Variants in VPS33B observed in about 807,000 individuals in gnomAD.
VPS33B encodes VPS33B late endosome and lysosome associated.
VPS33B carries 80 observed loss-of-function variants against 95.3 expected under a neutral mutation model. The observed-to-expected ratio is 0.84, with a 90% CI of 0.70 to 1.01. The LOEUF (loss-of-function observed/expected upper bound fraction) is 1.01. VPS33B is among the 50% of genes least tolerant of loss of function. VPS33B has a pLI of 0.00. For missense variants in VPS33B, 715 were observed against 773.4 expected, an observed-to-expected ratio of 0.92 and a Z score of 0.90; for synonymous variants, 280 against 280.4, an observed-to-expected ratio of 1.00 and a Z score of 0.01.
chr15:90,998,999 C>T lies in VPS33B; in HGVS notation c.1830G>A (p.Glu610=), dbSNP rs756910420. 6 of 1,614,070 alleles carry T rather than the reference C, an allele frequency of 3.7e-6. No homozygotes were observed. In the African/African-American group the frequency reaches 8.0e-5, roughly 22 times the overall value. Residue 610 remains glutamate, a synonymous_variant, in exon 23 of 23, where the codon GAG becomes GAA. Coordinates refer to ENST00000333371, the MANE Select transcript of VPS33B (RefSeq NM_018668.5). The surrounding 1 kb of genome is among the most constrained non-coding windows in gnomAD (Gnocchi z 4.8). ...TAVTNSARLM[E]AMSEVKA ...ATCAGGCTTTCACCTCACTCATGGC[C>T]TCCATAAGGCGAGCGCTGTTTGTGA...
rs1384990734 is a variant in VPS33B, at chr15:91,006,761, TCCC to T, written c.701-35_701-33del. 1 of 1,613,604 alleles carries T rather than the reference TCCC, an allele frequency of 6.2e-7. No individual in the cohort carries two copies. The highest frequency in any genetic ancestry group is 1.7e-5 in the Admixed American group (1 of 59,992). On this transcript the variant is annotated intron_variant, in intron 9 of 22. Transcript: ENST00000333371. This position sits in a 1 kb window ranked among gnomAD's most constrained non-coding sequence, Gnocchi z 5.4. ...CAGAGATCCCTGACCATGAAGGTTC[TCCC>T]TGACCCAGCCTTCTACACAGCATGT...
In VPS33B at chr15:91,006,592, G is replaced by A. The variant is rs3826032; in HGVS notation, c.778+60C>T. 2 of 1,611,600 alleles carry A rather than the reference G, an allele frequency of 1.2e-6. No individual in the cohort carries two copies. The highest frequency in any genetic ancestry group is 1.7e-6 in the Non-Finnish European group (2 of 1,177,772). On this transcript the variant is annotated intron_variant, in intron 10 of 22. Coordinates refer to ENST00000333371, the MANE Select transcript of VPS33B (RefSeq NM_018668.5). This position sits in a 1 kb window ranked among gnomAD's most constrained non-coding sequence, Gnocchi z 5.4. ...CTCCCACAAACCCTGCCCCACGTGG[G>A]AGGTGCCAAGGCTGATGACCCGTCC...
In VPS33B at chr15:91,001,229, G is replaced by C. The variant is rs539692899; in HGVS notation, c.1479+160C>G. 3.3e-5 allele frequency among the ~76,000 whole-genome samples: 5 copies of C among 150,472 alleles called. No homozygotes were observed. In the South Asian group the frequency reaches 8.4e-4, roughly 25 times the overall value. ...GGAGGCTGAGGCAGGAGAATCACTT[G>C]AACCTGGGAGGCAGAGGTTGCAGTG... On this transcript the variant is annotated intron_variant, in intron 19 of 22. Transcript: ENST00000333371.
chr15:91,000,654 C>T lies in VPS33B; in HGVS notation c.1480-63G>A. The T allele has an allele frequency of 3.5e-6, 5 of 1,428,328 alleles. No homozygotes were observed. Among genetic ancestry groups the T allele is most frequent in the African/African-American group, 1.4e-5 (1 of 71,228 alleles). 88.5% of individuals were successfully genotyped at this position (1,428,328 alleles called of 1,614,324 possible). Reference sequence around the variant, plus strand: ...TCAGCTCCCTAACCCTTTAAAGGGTCAGATAAAGTGGCATGGCCCAAGGAA... The same window carrying T: ...TCAGCTCCCTAACCCTTTAAAGGGTTAGATAAAGTGGCATGGCCCAAGGAA... On this transcript the variant is annotated intron_variant, in intron 19 of 22. Transcript: ENST00000333371. The surrounding 1 kb of genome is among the most constrained non-coding windows in gnomAD (Gnocchi z 4.9).
In VPS33B at chr15:91,005,937, G is replaced by A. The variant is rs1311159405; in HGVS notation, c.939+36C>T. ...GGCAGCAGCCTTGGGAAGCCACTGAGGCAACAAAACAGAGGAGCAGGGCTT... is the reference window on the plus strand; with the variant it reads ...GGCAGCAGCCTTGGGAAGCCACTGAAGCAACAAAACAGAGGAGCAGGGCTT... On this transcript the variant is annotated intron_variant, in intron 12 of 22. Coordinates refer to ENST00000333371, the MANE Select transcript of VPS33B (RefSeq NM_018668.5). This position sits in a 1 kb window ranked among gnomAD's most constrained non-coding sequence, Gnocchi z 6.4. 1 of 1,612,974 alleles carries A rather than the reference G, an allele frequency of 6.2e-7. No homozygotes were observed. The highest frequency in any genetic ancestry group is 1.1e-5 in the South Asian group (1 of 90,922).
rs751858602 is a variant in VPS33B, at chr15:91,000,573, C to T, written c.1498G>A (p.Glu500Lys). 19 of 1,612,740 alleles carry T rather than the reference C, an allele frequency of 1.2e-5. No individual in the cohort carries two copies. Among genetic ancestry groups the T allele is most frequent in the Admixed American group, 6.7e-5 (4 of 59,940 alleles). ...KLNLIPRVDG[E>K]YDLKVPRDMA... Reference sequence around the variant, plus strand: ...TCTCGGGGCACTTTCAGATCATACTCGCCGTCCACACGTGGGATCTGTAAG... The same window carrying T: ...TCTCGGGGCACTTTCAGATCATACTTGCCGTCCACACGTGGGATCTGTAAG... The change falls in exon 20 of 23, where the codon GAG (glutamate) becomes AAG (lysine). Residue 500 changes from glutamate to lysine, a missense_variant. Glu to Lys is a moderately conservative substitution (Grantham distance 56). Transcript: ENST00000333371. The surrounding 1 kb of genome is among the most constrained non-coding windows in gnomAD (Gnocchi z 4.9).
Position 91,003,072 on chromosome 15 carries a change from C to T in VPS33B, c.1272+13G>A, listed in dbSNP as rs2040489292. On this transcript the variant is annotated intron_variant, in intron 17 of 22. Transcript: ENST00000333371. ...CATCAAGTTCCCTCAAGAATACATT[C>T]TCCAGGCCTTACCTGCAGATACTGT... is the stretch of plus-strand genomic sequence containing the variant. 4 of 1,614,102 alleles carry T rather than the reference C, an allele frequency of 2.5e-6. No homozygotes were observed. The highest frequency in any genetic ancestry group is 3.4e-6 in the Non-Finnish European group (4 of 1,179,984).
rs1222327352 is a variant in VPS33B, at chr15:90,999,604, C to T, written c.1774+73G>A. The T allele has an allele frequency of 6.6e-6, 10 of 1,513,154 alleles. No homozygotes were observed. The Admixed American group carries it at 1.0e-4, about 15-fold the overall frequency. The allele number at this position is 1,513,154 out of a possible 1,614,324, so 93.7% of individuals were successfully genotyped here. On this transcript the variant is annotated intron_variant, in intron 22 of 22. Coordinates refer to ENST00000333371, the MANE Select transcript of VPS33B (RefSeq NM_018668.5). This position sits in a 1 kb window ranked among gnomAD's most constrained non-coding sequence, Gnocchi z 5.1. ...AAAGTGCTGAGATTACAGGTATGAA[C>T]CACCGTGCCCAGCTGACACTTTGTT...
chr15:90,999,757 A>T lies in VPS33B; in HGVS notation c.1694T>A (p.Leu565Gln). ...CAAGAACACCACCAAGATGAGGCGC[A>T]GGGACTCACTGGAAGCCTTGTCTTC... The part of the protein sequence containing the change: ...TKEDKASSES[L>Q]RLILVVFLGG... The change falls in exon 22 of 23, where the codon CTG (leucine) becomes CAG (glutamine). Residue 565 changes from leucine to glutamine, a missense_variant. By Grantham distance (113) the Leu-to-Gln change is moderately radical (BLOSUM62 -2). Transcript: ENST00000333371. This position sits in a 1 kb window ranked among gnomAD's most constrained non-coding sequence, Gnocchi z 5.1. 1 of 1,614,150 alleles carries T rather than the reference A, an allele frequency of 6.2e-7. No homozygotes were observed. Among genetic ancestry groups the T allele is most frequent in the East Asian group, 2.2e-5 (1 of 44,888 alleles).
At chr15:91,017,907 G>C (rs942791055) in intron 1 of VPS33B, 22 bp from the exon 2 acceptor site, 15 of 1,612,758 alleles carry the variant, frequency 9.3e-6, no homozygotes, top group Non-Finnish European at 1.2e-5. Context: ...ACAATATGTT[G>C]GGTCACTCAC....
rs982788422 is a variant in VPS33B at position 91,013,319 on chromosome 15, G to T, written c.357+485C>A. On this transcript the variant is annotated intron_variant, in intron 5 of 22. Coordinates refer to ENST00000333371, the MANE Select transcript of VPS33B (RefSeq NM_018668.5). The surrounding 1 kb of genome is among the most constrained non-coding windows in gnomAD (Gnocchi z 4.5). ...AGGATGCGTTAGTGACAGGTATTAGGTTCAATCACACATAATTTGCTTTGA... is the reference window on the plus strand; with the variant it reads ...AGGATGCGTTAGTGACAGGTATTAGTTTCAATCACACATAATTTGCTTTGA... Among the ~76,000 whole-genome samples the T allele has an allele frequency of 3.3e-5, 5 of 152,182 alleles. No individual in the cohort carries two copies. Among genetic ancestry groups the T allele is most frequent in the African/African-American group, 1.2e-4 (5 of 41,432 alleles).
intron 1 of VPS33B, among the ~76,000 whole-genome samples, chr15:91,020,469 C>G (rs2041070910): frequency 6.6e-6 from 1 of 152,218 alleles, no homozygotes; most frequent in Non-Finnish European, 1.5e-5. Flanking sequence ...AGTTTCTCTT[C>G]TTGGTCTCCT....
Position 91,003,117 on chromosome 15 carries a change from C to G in VPS33B, c.1240G>C (p.Asp414His), listed in dbSNP as rs769214740. ...TACTGTGTTTTCAGAGATCGGTAAT[C>G]CTTGGGGATCAAACCTAAGAGTGAA... ...SITENGLIPK[D>H]YRSLKTQYLQ... is the part of the protein sequence containing the mutation. The change falls in exon 17 of 23, where the codon GAT becomes CAT. Residue 414 changes from aspartate to histidine, a missense_variant. Coordinates refer to ENST00000333371, the MANE Select transcript of VPS33B (RefSeq NM_018668.5). 1 of 1,614,030 alleles carries G rather than the reference C, an allele frequency of 6.2e-7. No homozygotes were observed. The highest frequency in any genetic ancestry group is 2.2e-5 in the East Asian group (1 of 44,904).
chr15:91,017,370 ATATATATATATATAT>A (rs1567229587), intron 2 of VPS33B, among the ~76,000 whole-genome samples: 550 of 26,960 alleles, frequency 0.02, 98 homozygotes, highest in South Asian at 0.04. Context: ...AAAATTAAAT[ATATATATATATATAT>A]ATATATATAT....
rs1437178413 is a variant in VPS33B at position 91,007,210 on chromosome 15, C to T, written c.604-164G>A. Among the ~76,000 whole-genome samples the T allele has an allele frequency of 6.6e-6, 1 of 152,114 alleles. No homozygotes were observed. Among genetic ancestry groups the T allele is most frequent in the Non-Finnish European group, 1.5e-5 (1 of 68,022 alleles). ...TACTCCCGTCTGTGTCTATCTTTCCCCAACACTCTTCCTACTGATGAGAAG... is the reference window on the plus strand; with the variant it reads ...TACTCCCGTCTGTGTCTATCTTTCCTCAACACTCTTCCTACTGATGAGAAG... On this transcript the variant is annotated intron_variant, in intron 8 of 22. Transcript: ENST00000333371. This position sits in a 1 kb window ranked among gnomAD's most constrained non-coding sequence, Gnocchi z 5.3.
Position 90,999,621 on chromosome 15 carries a change from C to A in VPS33B, c.1774+56G>T. ...GGTATGAACCACCGTGCCCAGCTGA[C>A]ACTTTGTTACCCAGATACAATGCAG... is the stretch of plus-strand genomic sequence containing the variant. On this transcript the variant is annotated intron_variant, in intron 22 of 22. Transcript: ENST00000333371. The surrounding 1 kb of genome is among the most constrained non-coding windows in gnomAD (Gnocchi z 5.1). 1 of 1,584,404 alleles carries A rather than the reference C, an allele frequency of 6.3e-7. No homozygotes were observed. The highest frequency in any genetic ancestry group is 8.7e-7 in the Non-Finnish European group (1 of 1,154,048).
intron 2 of VPS33B, 148 bp downstream of exon 2, chr15:91,017,657 T>A: frequency 1.3e-6 from 1 of 761,244 alleles, no homozygotes; most frequent in Admixed American, 2.5e-5. Context: ...AACAAAAAAA[T>A]ACGAACAGCA....
At chr15:91,017,546 C>T (rs2040977306) in intron 2 of VPS33B, among the ~76,000 whole-genome samples, 1 of 151,372 alleles carries the variant, frequency 6.6e-6, no homozygotes, top group South Asian at 2.1e-4. Flanking sequence ...TCACCTGAGT[C>T]CAGGAGGTCA....
At position 91,003,071 on chromosome 15, in the gene VPS33B, T is replaced by C; in HGVS notation, c.1272+14A>G. 6.2e-7 allele frequency: 1 copy of C among 1,614,006 alleles called. No individual in the cohort carries two copies. The highest frequency in any genetic ancestry group is 8.5e-7 in the Non-Finnish European group (1 of 1,179,940). ...CCATCAAGTTCCCTCAAGAATACAT[T>C]CTCCAGGCCTTACCTGCAGATACTG... On this transcript the variant is annotated intron_variant, in intron 17 of 22. Coordinates refer to ENST00000333371, the MANE Select transcript of VPS33B (RefSeq NM_018668.5).
Sources: allele counts gnomAD v4.1 joint callset (sites outside exome capture counted in the v4.1 genomes callset), GRCh38; gene constraint gnomAD v4.1.1; non-coding constraint Gnocchi (gnomAD v3.1); transcripts MANE v1.5; gene names NCBI Gene and HGNC (gene_info 2026-07-23, HGNC 2026-07-21).